Variants in TIMM50 observed in about 807,000 individuals in gnomAD.
TIMM50 encodes translocase of inner mitochondrial membrane 50, also known as mitochondrial import inner membrane translocase subunit TIM50.
Under a neutral mutation model 49.6 loss-of-function variants are expected in TIMM50, and 34 were observed. The observed-to-expected ratio is 0.69, with a 90% CI of 0.52 to 0.91. TIMM50 has a LOEUF of 0.91. Among genes scored for constraint, TIMM50 ranks in the 40% least tolerant of loss-of-function variants. The probability of loss-of-function intolerance (pLI) is 0.00; values close to 1 mark genes in which losing one functional copy is unlikely to be tolerated. For missense variants in TIMM50, 458 were observed against 477.8 expected, an observed-to-expected ratio of 0.96 and a Z score of 0.39; for synonymous variants, 199 against 198.4, an observed-to-expected ratio of 1.00 and a Z score of -0.03.
rs1221217858 is a variant in TIMM50, at chr19:39,491,127, G to A, written c.*1307G>A. 3.3e-5 allele frequency: 5 copies of A among 151,748 alleles called. No homozygotes were observed. The East Asian group carries it at 9.7e-4, about 29-fold the overall frequency. The allele number at this position is 151,748 out of a possible 1,614,324, so 9.4% of individuals were successfully genotyped here. ...CTGTGATGTTTGGTTCATGTTCTAG[G>A]TCTGTACTGTCCAGTACAGTAGCCA... is the stretch of plus-strand genomic sequence containing the variant. On this transcript the variant is annotated 3_prime_UTR_variant, in exon 11 of 11. Transcript: ENST00000607714.
In TIMM50 at chr19:39,490,890, T is replaced by C. The variant is rs945761815; in HGVS notation, c.*1070T>C. On this transcript the variant is annotated 3_prime_UTR_variant, in exon 11 of 11. Transcript: ENST00000607714. The stretch of plus-strand genomic sequence containing the variant: ...AAAATTAGCTGGGCGTGGTGGAGCA[T>C]GCCTGTGATCCCAGCTACTCAGGAG... 1 of 151,798 alleles carries C rather than the reference T, an allele frequency of 6.6e-6. No homozygotes were observed. Among genetic ancestry groups the C allele is most frequent in the Non-Finnish European group, 1.5e-5 (1 of 68,010 alleles). 9.4% of individuals were successfully genotyped at this position (151,798 alleles called of 1,614,324 possible). A position where few individuals can be genotyped will look rare whatever the true frequency, so the allele number is the denominator to read the frequency against.
chr19:39,482,117 G>C, intron 2 of TIMM50, 84 bp downstream of exon 2: 3 of 1,527,092 alleles, frequency 2.0e-6, no homozygotes, highest in Non-Finnish European at 2.7e-6. Flanking sequence ...CCCACTACCA[G>C]CTTCTCTCGT....
At chr19:39,486,166 C>G (rs1003571566) in intron 6 of TIMM50, 21 bp from the exon 7 acceptor site, 1 of 1,612,194 alleles carries the variant, frequency 6.2e-7, no homozygotes, top group Non-Finnish European at 8.5e-7. Context: ...TGGTGTTTCA[C>G]TGTCCTCACT....
chr19:39,489,863 A>G lies in TIMM50; in HGVS notation c.*43A>G, dbSNP rs2144741083. ...ACTCAGTGCCTGGGTCCAGGGCCCC[A>G]GTGCTTCCAGACCAAGACTTGGGCC... On this transcript the variant is annotated 3_prime_UTR_variant, in exon 11 of 11. Coordinates refer to ENST00000607714, the MANE Select transcript of TIMM50 (RefSeq NM_001001563.5). 1 of 1,553,224 alleles carries G rather than the reference A, an allele frequency of 6.4e-7. No homozygotes were observed. Among genetic ancestry groups the G allele is most frequent in the East Asian group, 2.3e-5 (1 of 43,296 alleles).
Position 39,486,386 on chromosome 19 carries a change from C to T in TIMM50, c.598-11C>T, listed in dbSNP as rs747682038. 7.4e-6 allele frequency: 12 copies of T among 1,613,868 alleles called. No individual in the cohort carries two copies. The highest frequency in any genetic ancestry group is 1.0e-5 in the Non-Finnish European group (12 of 1,179,858). On this transcript the variant is annotated splice_polypyrimidine_tract_variant and intron_variant, in intron 7 of 10. Transcript: ENST00000607714. ...CAGCCTGACCTTTTCTCGCTCCCTT[C>T]CCACCCCCAGACTGCGTTTCCACTC... is the stretch of plus-strand genomic sequence containing the variant.
At chr19:39,481,663 C>T (rs1422580969) in intron 1 of TIMM50, among the ~76,000 whole-genome samples, 1 of 152,100 alleles carries the variant, frequency 6.6e-6, no homozygotes, top group Admixed American at 6.6e-5. Flanking sequence ...GTGCACCTGG[C>T]CTGTTAGCTT....
rs1260650130 is a variant in TIMM50, at chr19:39,485,677, C to T, written c.373-11C>T. Reference sequence around the variant, plus strand: ...TTGTCTGAGCGCCCCCATCCTGTCCCTCTCCCACAGATGATCATCGAGCCC... The same window carrying T: ...TTGTCTGAGCGCCCCCATCCTGTCCTTCTCCCACAGATGATCATCGAGCCC... On this transcript the variant is annotated splice_polypyrimidine_tract_variant and intron_variant, in intron 5 of 10. Coordinates refer to ENST00000607714, the MANE Select transcript of TIMM50 (RefSeq NM_001001563.5). The T allele has an allele frequency of 1.9e-6, 3 of 1,614,122 alleles. No individual in the cohort carries two copies. Among genetic ancestry groups the T allele is most frequent in the Non-Finnish European group, 1.7e-6 (2 of 1,180,038 alleles).
intron 2 of TIMM50, among the ~76,000 whole-genome samples, chr19:39,482,352 A>G (rs948122618): frequency 6.6e-6 from 1 of 152,088 alleles, no homozygotes; most frequent in South Asian, 2.1e-4. Context: ...CCTTCCCACT[A>G]GTTACTTTAA....
At chr19:39,487,412 A>G (rs2079513984) in intron 8 of TIMM50, among the ~76,000 whole-genome samples, 1 of 152,262 alleles carries the variant, frequency 6.6e-6, no homozygotes, top group African/African-American at 2.4e-5. Context: ...AGCTGGGCCT[A>G]TAGGCACACA....
chr19:39,482,115 C>T (rs1216136415), intron 2 of TIMM50, 82 bp downstream of exon 2: 8 of 1,528,888 alleles, frequency 5.2e-6, no homozygotes, highest in East Asian at 2.3e-5. Context: ...TGCCCACTAC[C>T]AGCTTCTCTC....
At chr19:39,485,639 A>C in intron 5 of TIMM50, 37 bp downstream of exon 5, 1 of 1,614,138 alleles carries the variant, frequency 6.2e-7, no homozygotes, top group South Asian at 1.1e-5. Context: ...CCATGTCTCC[A>C]GCCCTGGCCT....
At chr19:39,483,788 G>A (rs925606453) in intron 4 of TIMM50, among the ~76,000 whole-genome samples, 1 of 152,166 alleles carries the variant, frequency 6.6e-6, no homozygotes, top group East Asian at 1.9e-4. Context: ...AATTGGGCAG[G>A]TACATCTGCA....
intron 4 of TIMM50, 27 bp downstream of exon 4, chr19:39,483,183 G>T: frequency 6.2e-7 from 1 of 1,614,016 alleles, no homozygotes. Flanking sequence ...AGATTCTGGA[G>T]TCCCTGACCC....
At chr19:39,481,162 C>G (rs1015311187) in intron 1 of TIMM50, 2 of 644,732 alleles carry the variant, frequency 3.1e-6, no homozygotes, top group Non-Finnish European at 5.0e-6. Context: ...TCCTTAGACC[C>G]CACCTCCCAC....
rs1176997637 is a variant in TIMM50, at chr19:39,492,127, C to A, written c.*2307C>A. The A allele has an allele frequency of 6.6e-6, 1 of 152,188 alleles. No homozygotes were observed. Among genetic ancestry groups the A allele is most frequent in the Non-Finnish European group, 1.5e-5 (1 of 68,054 alleles). The allele number at this position is 152,188 out of a possible 1,614,324, so 9.4% of individuals were successfully genotyped here. On this transcript the variant is annotated 3_prime_UTR_variant, in exon 11 of 11. Transcript: ENST00000607714. Reference sequence around the variant, plus strand: ...AAATCCAAGCTCTACCACTTCTCGGCTGGCTTGTGATCCTGTGCAAGTTAC... The same window carrying A: ...AAATCCAAGCTCTACCACTTCTCGGATGGCTTGTGATCCTGTGCAAGTTAC...
At position 39,492,307 on chromosome 19, in the gene TIMM50, C is replaced by T. The variant is rs1456655715; in HGVS notation, c.*2487C>T. 1 of 138,036 alleles carries T rather than the reference C, an allele frequency of 7.2e-6. No individual in the cohort carries two copies. Among genetic ancestry groups the T allele is most frequent in the African/African-American group, 2.6e-5 (1 of 38,590 alleles). 8.6% of individuals were successfully genotyped at this position (138,036 alleles called of 1,614,324 possible). On this transcript the variant is annotated 3_prime_UTR_variant, in exon 11 of 11. Transcript: ENST00000607714. The stretch of plus-strand genomic sequence containing the variant: ...GCAGCCTGGGCAACATGGGAAGAGC[C>T]TGTCTCTTGCGGGGGGGGGAGAAGA...
chr19:39,483,455 G>C, intron 4 of TIMM50: 1 of 428,402 alleles, frequency 2.3e-6, no homozygotes, highest in Non-Finnish European at 4.2e-6. Flanking sequence ...CTTAGACCAA[G>C]CATCTGCGGT....
chr19:39,481,423 CA>C, intron 1 of TIMM50: 1 of 234,404 alleles, frequency 4.3e-6, no homozygotes, highest in African/African-American at 2.3e-5. Flanking sequence ...AAGCCCCAGA[CA>C]AGTGATTGCC....
chr19:39,489,658 C>A, intron 10 of TIMM50, 61 bp from the exon 11 acceptor site: 1 of 1,476,762 alleles, frequency 6.8e-7, no homozygotes, highest in Non-Finnish European at 9.2e-7. Flanking sequence ...ACCTGGGCAT[C>A]TGGGAGGAGG....
Sources: allele counts gnomAD v4.1 joint callset (sites outside exome capture counted in the v4.1 genomes callset), GRCh38; gene constraint gnomAD v4.1.1; transcripts MANE v1.5; gene names NCBI Gene and HGNC (gene_info 2026-07-23, HGNC 2026-07-21).